CAV3: variants seen among roughly 807,000 people sequenced by gnomAD.
CAV3 encodes the protein caveolin 3.
In CAV3, 10 loss-of-function variants were observed where a neutral mutation model predicts 13.4. The ratio of observed to expected loss-of-function variants is 0.75; its 90% CI spans 0.46 to 1.27. The LOEUF (loss-of-function observed/expected upper bound fraction) is 1.27. CAV3 is among the 50% of genes most tolerant of loss of function. The pLI is 0.00. For missense variants in CAV3, 162 were observed against 194.0 expected, an observed-to-expected ratio of 0.83 and a Z score of 0.98; for synonymous variants, 90 against 79.0, an observed-to-expected ratio of 1.14 and a Z score of -0.74.
At chr3:8,740,967 T>C (rs920267063) in intron 1 of CAV3, among the ~76,000 whole-genome samples, 1 of 152,228 alleles carries the variant, frequency 6.6e-6, no homozygotes, top group Non-Finnish European at 1.5e-5. Flanking sequence ...ACATGTAAGA[T>C]ACATGGCCCC....
Position 8,745,905 on chromosome 3 carries a change from G to C in CAV3, c.*38G>C, listed in dbSNP as rs72546670. 3.4e-4 allele frequency: 530 copies of C among 1,567,310 alleles called. 4 individuals carry two copies. The African/African-American group carries it at 6.2e-3, about 18-fold the overall frequency. ...CAACAGCGGTGGCAGGGCAGGGGGT[G>C]GTGGGCCAGACTGGTCCCCGGGGGA... is the stretch of plus-strand genomic sequence containing the variant. On this transcript the variant is annotated 3_prime_UTR_variant, in exon 2 of 2. Coordinates refer to ENST00000343849, the MANE Select transcript of CAV3 (RefSeq NM_033337.3). This position sits in a 1 kb window ranked among gnomAD's most constrained non-coding sequence, Gnocchi z 4.8.
intron 1 of CAV3, among the ~76,000 whole-genome samples, chr3:8,740,474 G>T (rs1270598728): frequency 6.6e-6 from 1 of 152,204 alleles, no homozygotes; most frequent in African/African-American, 2.4e-5. Context: ...TGAGAGAGCA[G>T]AAGAGCGGAT....
intron 1 of CAV3, among the ~76,000 whole-genome samples, chr3:8,742,175 G>A (rs1029610879): frequency 6.6e-6 from 1 of 152,086 alleles, no homozygotes; most frequent in Non-Finnish European, 1.5e-5. Flanking sequence ...GCATGCTGTG[G>A]CCAAAGCTCT....
chr3:8,740,770 A>C (rs765584328), intron 1 of CAV3, among the ~76,000 whole-genome samples: 1 of 152,214 alleles, frequency 6.6e-6, no homozygotes, highest in Non-Finnish European at 1.5e-5. Context: ...CTCCTGAAGG[A>C]GGAGTCACAG....
intron 1 of CAV3, among the ~76,000 whole-genome samples, chr3:8,736,256 G>A (rs983553430): frequency 1.3e-5 from 2 of 152,146 alleles, no homozygotes; most frequent in East Asian, 3.9e-4. Flanking sequence ...CCTGTAAAGT[G>A]GGAATAATAT....
chr3:8,738,049 TCTCTCTC>T (rs1434011979), intron 1 of CAV3, among the ~76,000 whole-genome samples: 1 of 133,836 alleles, frequency 7.5e-6, no homozygotes, highest in Non-Finnish European at 1.6e-5. Context: ...TCTCTCTCTC[TCTCTCTC>T]CTCTCTCTCT....
At chr3:8,734,023 G>A (rs1707658289) in intron 1 of CAV3, 33 bp downstream of exon 1, 4 of 1,312,672 alleles carry the variant, frequency 3.0e-6, no homozygotes, top group East Asian at 2.3e-5. Context: ...GGCGGGCGGA[G>A]AGTGTCAGGT....
chr3:8,735,464 A>G (rs748233838), intron 1 of CAV3, among the ~76,000 whole-genome samples: 20 of 152,356 alleles, frequency 1.3e-4, no homozygotes, highest in Non-Finnish European at 2.2e-4. Context: ...ATCGATTCGC[A>G]TGCCTGTACT....
intron 1 of CAV3, among the ~76,000 whole-genome samples, chr3:8,736,541 G>A (rs1005323643): frequency 4.6e-5 from 7 of 152,228 alleles, no homozygotes; most frequent in Admixed American, 6.5e-5. Flanking sequence ...GATCCCACGG[G>A]AGAACATGGT....
chr3:8,746,027 C>T lies in CAV3; in HGVS notation c.*160C>T, dbSNP rs191758422. The T allele has an allele frequency of 4.4e-5, 27 of 615,718 alleles. No individual in the cohort carries two copies. The highest frequency in any genetic ancestry group is 7.1e-5 in the Non-Finnish European group (25 of 354,440). 38.1% of individuals were successfully genotyped at this position (615,718 alleles called of 1,614,324 possible). On this transcript the variant is annotated 3_prime_UTR_variant, in exon 2 of 2. Transcript: ENST00000343849. ...GTGTAGGGAAGCCAGAAAGAAAAGA[C>T]GGCCCAGCCACAGAAGCACAATGGC...
chr3:8,741,845 G>A (rs148871126), intron 1 of CAV3, among the ~76,000 whole-genome samples: 175 of 152,224 alleles, frequency 1.1e-3, no homozygotes, highest in African/African-American at 3.5e-3. Flanking sequence ...CTCAGAGACT[G>A]CGGGGACTGC....
intron 1 of CAV3, among the ~76,000 whole-genome samples, chr3:8,734,900 G>C (rs1195479513): frequency 1.3e-5 from 2 of 152,140 alleles, no homozygotes; most frequent in Non-Finnish European, 2.9e-5. Flanking sequence ...TGTATTTTTA[G>C]TAGAGACTGG....
intron 1 of CAV3, among the ~76,000 whole-genome samples, chr3:8,742,207 AG>A (rs1401864614): frequency 2.6e-5 from 4 of 152,136 alleles, no homozygotes; most frequent in African/African-American, 9.7e-5. Context: ...AATCTGAGCT[AG>A]GGGAACAGCT....
At chr3:8,736,602 C>T (rs1707765896) in intron 1 of CAV3, among the ~76,000 whole-genome samples, 1 of 152,218 alleles carries the variant, frequency 6.6e-6, no homozygotes, top group Non-Finnish European at 1.5e-5. Flanking sequence ...GCCCTTGGAT[C>T]CCTCTGAGCC....
At chr3:8,740,875 G>T (rs1210761528) in intron 1 of CAV3, among the ~76,000 whole-genome samples, 1 of 152,208 alleles carries the variant, frequency 6.6e-6, no homozygotes, top group Non-Finnish European at 1.5e-5. Context: ...CCCTGCTGGG[G>T]TATCTGGCCC....
intron 1 of CAV3, among the ~76,000 whole-genome samples, chr3:8,741,699 T>C (rs900930426): frequency 1.3e-5 from 2 of 152,126 alleles, no homozygotes; most frequent in South Asian, 4.2e-4. Context: ...CTATTTGAAT[T>C]GTCCAAGGTC....
intron 1 of CAV3, among the ~76,000 whole-genome samples, chr3:8,736,331 G>T (rs112640034): frequency 5.3e-5 from 8 of 152,196 alleles, no homozygotes; most frequent in African/African-American, 1.7e-4. Flanking sequence ...TAGAAATATA[G>T]CATGAGGATT....
At chr3:8,735,504 T>C (rs1707723580) in intron 1 of CAV3, among the ~76,000 whole-genome samples, 1 of 152,238 alleles carries the variant, frequency 6.6e-6, no homozygotes, top group Non-Finnish European at 1.5e-5. Flanking sequence ...AATTTTTCAA[T>C]AATGAAATCG....
In CAV3 at chr3:8,733,901, C is replaced by T; in HGVS notation, c.25C>T (p.Leu9Phe). 1 of 1,612,616 alleles carries T rather than the reference C, an allele frequency of 6.2e-7. No individual in the cohort carries two copies. Among genetic ancestry groups the T allele is most frequent in the South Asian group, 1.1e-5 (1 of 91,020 alleles). The change falls in exon 1 of 2, where the codon CTC becomes TTC. Residue 9 changes from leucine to phenylalanine, a missense_variant. Coordinates refer to ENST00000343849, the MANE Select transcript of CAV3 (RefSeq NM_033337.3). MMAEEHTD[L>F]EAQIVKDIHC... is the part of the protein sequence containing the mutation. The stretch of plus-strand genomic sequence containing the variant: ...GATGATGGCAGAAGAGCACACAGAT[C>T]TCGAGGCCCAGATCGTCAAGGATAT...
Sources: allele counts gnomAD v4.1 joint callset (sites outside exome capture counted in the v4.1 genomes callset), GRCh38; gene constraint gnomAD v4.1.1; non-coding constraint Gnocchi (gnomAD v3.1); transcripts MANE v1.5; gene names NCBI Gene and HGNC (gene_info 2026-07-23, HGNC 2026-07-21).